The following VPS52 variants were observed in gnomAD, a reference collection of about 807,000 sequenced individuals.
VPS52 encodes the protein vacuolar protein sorting-associated protein 52 homolog.
A neutral mutation model predicts 98.7 loss-of-function variants in VPS52; 56 were observed. The ratio of observed to expected loss-of-function variants is 0.57; its 90% CI spans 0.46 to 0.71. VPS52 has a LOEUF of 0.71. VPS52 is among the 30% of genes least tolerant of loss of function. VPS52 has a pLI of 0.00. For missense variants in VPS52, 742 were observed against 925.9 expected, an observed-to-expected ratio of 0.80 and a Z score of 2.58; for synonymous variants, 348 against 346.4, an observed-to-expected ratio of 1.00 and a Z score of -0.05.
In VPS52 at chr6:33,267,175, T is replaced by C. The variant is rs1262539428; in HGVS notation, c.1125+13A>G. On this transcript the variant is annotated intron_variant, in intron 11 of 19. Transcript: ENST00000445902. This position sits in a 1 kb window ranked among gnomAD's most constrained non-coding sequence, Gnocchi z 4.2. ...GAGCCTCTTTCGTGACTGAAGCTTGTTCCTCCTCATACCCTCTGCTCTCCG... is the reference window on the plus strand; with the variant it reads ...GAGCCTCTTTCGTGACTGAAGCTTGCTCCTCCTCATACCCTCTGCTCTCCG... 2 of 1,477,620 alleles carry C rather than the reference T, an allele frequency of 1.4e-6. No individual in the cohort carries two copies. Among genetic ancestry groups the C allele is most frequent in the Non-Finnish European group, 1.8e-6 (2 of 1,112,626 alleles). 91.5% of individuals were successfully genotyped at this position (1,477,620 alleles called of 1,614,324 possible).
chr6:33,268,951 G>A lies in VPS52; in HGVS notation c.548+63C>T. 13 of 1,579,248 alleles carry A rather than the reference G, an allele frequency of 8.2e-6. No homozygotes were observed. The highest frequency in any genetic ancestry group is 1.8e-5 in the Admixed American group (1 of 56,444). Reference sequence around the variant, plus strand: ...GCCAGGAGACCCATATGGTAAATAGGGTGGGTCACCCCAGCCCATCCACCT... The same window carrying A: ...GCCAGGAGACCCATATGGTAAATAGAGTGGGTCACCCCAGCCCATCCACCT... On this transcript the variant is annotated intron_variant, in intron 6 of 19. Coordinates refer to ENST00000445902, the MANE Select transcript of VPS52 (RefSeq NM_022553.6). The surrounding 1 kb of genome is among the most constrained non-coding windows in gnomAD (Gnocchi z 4.0).
intron 17 of VPS52, among the ~76,000 whole-genome samples, chr6:33,256,112 C>T (rs943262982): frequency 5.3e-5 from 8 of 152,050 alleles, no homozygotes; most frequent in East Asian, 3.9e-4. Context: ...ACTAAACATA[C>T]GTATTATACC....
At chr6:33,271,310 C>T (rs1765033787) in intron 1 of VPS52, 1 of 641,790 alleles carries the variant, frequency 1.6e-6, no homozygotes, top group African/African-American at 1.8e-5. Flanking sequence ...GGCAGTCTGG[C>T]TTCAGAGGCC....
chr6:33,264,203 A>AC (rs1184619309), intron 14 of VPS52, 100 bp from the exon 15 acceptor site: 49 of 1,541,366 alleles, frequency 3.2e-5, no homozygotes, highest in Admixed American at 6.8e-5. Flanking sequence ...ATGTGACTCT[A>AC]CCTTCAGTCC....
At chr6:33,270,709 G>A (rs995814839) in intron 1 of VPS52, among the ~76,000 whole-genome samples, 6 of 152,202 alleles carry the variant, frequency 3.9e-5, no homozygotes, top group African/African-American at 1.4e-4. Flanking sequence ...CCAGCACTTT[G>A]GGAGGCCGAG....
chr6:33,264,740 A>G (rs1337705505), intron 13 of VPS52, 42 bp downstream of exon 13: 1 of 1,568,738 alleles, frequency 6.4e-7, no homozygotes, highest in South Asian at 1.1e-5. Flanking sequence ...AGACCAAGAG[A>G]GTTCGTGGCC....
intron 13 of VPS52, 115 bp from the exon 14 acceptor site, chr6:33,264,612 C>A (rs1764070034): frequency 6.6e-7 from 1 of 1,519,190 alleles, no homozygotes; most frequent in Non-Finnish European, 9.0e-7. Flanking sequence ...GGTTGGGGGG[C>A]AGTGGTTGGA....
In VPS52 at chr6:33,268,084, C is replaced by T; in HGVS notation, c.800+24G>A. ...CCGCTCAAAAACTCAAAGGCCATCCCATGCACTTCCTTGGGGTTGTGACCT... is the reference window on the plus strand; with the variant it reads ...CCGCTCAAAAACTCAAAGGCCATCCTATGCACTTCCTTGGGGTTGTGACCT... On this transcript the variant is annotated intron_variant, in intron 8 of 19. Coordinates refer to ENST00000445902, the MANE Select transcript of VPS52 (RefSeq NM_022553.6). The surrounding 1 kb of genome is among the most constrained non-coding windows in gnomAD (Gnocchi z 4.0). 1 of 1,613,070 alleles carries T rather than the reference C, an allele frequency of 6.2e-7. No homozygotes were observed. The highest frequency in any genetic ancestry group is 1.7e-5 in the Admixed American group (1 of 60,022).
chr6:33,271,892 G>A, upstream of VPS52: 5 of 1,159,950 alleles, frequency 4.3e-6, no homozygotes, highest in South Asian at 4.9e-5. Flanking sequence ...CGGAACCTTC[G>A]CTGTTCTCTT....
chr6:33,268,760 T>C lies in VPS52; in HGVS notation c.549-111A>G. ...CCCCTGTCATCTCTACCACCTTGCATTGTACCATATAGTCAGGACACATGT... is the reference window on the plus strand; with the variant it reads ...CCCCTGTCATCTCTACCACCTTGCACTGTACCATATAGTCAGGACACATGT... On this transcript the variant is annotated intron_variant, in intron 6 of 19. Transcript: ENST00000445902. The surrounding 1 kb of genome is among the most constrained non-coding windows in gnomAD (Gnocchi z 4.0). 7.5e-7 allele frequency: 1 copy of C among 1,334,208 alleles called. No individual in the cohort carries two copies. Among genetic ancestry groups the C allele is most frequent in the Non-Finnish European group, 1.0e-6 (1 of 998,622 alleles). The allele number at this position is 1,334,208 out of a possible 1,614,324, so 82.6% of individuals were successfully genotyped here. A position where few individuals can be genotyped will look rare whatever the true frequency, so the allele number is the denominator to read the frequency against.
chr6:33,260,151 A>G (rs1763459594), intron 17 of VPS52, among the ~76,000 whole-genome samples: 1 of 152,152 alleles, frequency 6.6e-6, no homozygotes, highest in Non-Finnish European at 1.5e-5. Context: ...TATTAGAAAA[A>G]TTATGCATGA....
rs1210029061 is a variant in VPS52 at position 33,264,043 on chromosome 6, T to G, written c.1585A>C (p.Asn529His). 5 of 1,614,094 alleles carry G rather than the reference T, an allele frequency of 3.1e-6. No individual in the cohort carries two copies. The highest frequency in any genetic ancestry group is 1.3e-5 in the African/African-American group (1 of 74,928). The change falls in exon 15 of 20, where the codon AAT becomes CAT. Residue 529 changes from asparagine (N) to histidine (H), a missense_variant. By Grantham distance (68) the Asn-to-His change is moderately conservative. Coordinates refer to ENST00000445902, the MANE Select transcript of VPS52 (RefSeq NM_022553.6). ...ALVSINQTIP[N>H]ERTMQLLGQL... ...CCCAGCAATTGCATGGTCCGTTCAT[T>G]AGGAATTGTCTGGTTGATACTGACA...
chr6:33,264,606 G>T (rs1197644035), intron 13 of VPS52, 109 bp from the exon 14 acceptor site: 3 of 1,529,384 alleles, frequency 2.0e-6, no homozygotes, highest in South Asian at 2.4e-5. Flanking sequence ...TGTGGGGGTT[G>T]GGGGGCAGTG....
intron 12 of VPS52, 124 bp from the exon 13 acceptor site, chr6:33,265,024 G>T: frequency 1.1e-6 from 1 of 876,998 alleles, no homozygotes; most frequent in Non-Finnish European, 1.9e-6. Context: ...AGGGAGAGAC[G>T]TAAAATGGAA....
chr6:33,259,320 T>A (rs1272453859), intron 17 of VPS52, among the ~76,000 whole-genome samples: 1 of 152,174 alleles, frequency 6.6e-6, no homozygotes, highest in African/African-American at 2.4e-5. Flanking sequence ...GTTATTACTC[T>A]AATTTATTTA....
Position 33,268,941 on chromosome 6 carries a change from T to C in VPS52, c.548+73A>G, listed in dbSNP as rs1357001396. ...TTAACCTGGAGCCAGGAGACCCATA[T>C]GGTAAATAGGGTGGGTCACCCCAGC... On this transcript the variant is annotated intron_variant, in intron 6 of 19. Coordinates refer to ENST00000445902, the MANE Select transcript of VPS52 (RefSeq NM_022553.6). The surrounding 1 kb of genome is among the most constrained non-coding windows in gnomAD (Gnocchi z 4.0). 1 of 1,556,506 alleles carries C rather than the reference T, an allele frequency of 6.4e-7. No individual in the cohort carries two copies. Among genetic ancestry groups the C allele is most frequent in the African/African-American group, 1.4e-5 (1 of 72,928 alleles).
At chr6:33,264,974 G>C in intron 12 of VPS52, 74 bp from the exon 13 acceptor site, 2 of 1,321,706 alleles carry the variant, frequency 1.5e-6, no homozygotes, top group Non-Finnish European at 1.1e-6. Context: ...ATGAACAAAC[G>C]CATTTGTTTC....
At chr6:33,264,204 C>CCTT in intron 14 of VPS52, 101 bp from the exon 15 acceptor site, 1 of 1,539,874 alleles carries the variant, frequency 6.5e-7, no homozygotes, top group South Asian at 1.1e-5. Context: ...TGTGACTCTA[C>CCTT]CTTCAGTCCC....
At chr6:33,261,971 C>T (rs545891980) in intron 17 of VPS52, among the ~76,000 whole-genome samples, 34 of 126,748 alleles carry the variant, frequency 2.7e-4, no homozygotes, top group African/African-American at 8.9e-4. Flanking sequence ...ACCTGGGAGG[C>T]GGAGGTTGCG....
Sources: allele counts gnomAD v4.1 joint callset (sites outside exome capture counted in the v4.1 genomes callset), GRCh38; gene constraint gnomAD v4.1.1; non-coding constraint Gnocchi (gnomAD v3.1); transcripts MANE v1.5; gene names NCBI Gene and HGNC (gene_info 2026-07-23, HGNC 2026-07-21).